The following NCOA3 variants were observed in gnomAD, a reference collection of about 807,000 sequenced individuals.
The protein encoded by NCOA3 is CBP-interacting protein.
In NCOA3, 51 loss-of-function variants were observed where a neutral mutation model predicts 158.8. The observed-to-expected ratio is 0.32, with a 90% CI of 0.26 to 0.41. The LOEUF (loss-of-function observed/expected upper bound fraction) is 0.41, where lower values mean the gene tolerates loss of function less well. Ranked by LOEUF, NCOA3 falls within the 10% of genes least tolerant of loss-of-function variation. The probability of loss-of-function intolerance (pLI) is 1.00; values close to 1 mark genes in which losing one functional copy is unlikely to be tolerated. For missense variants in NCOA3, 1,510 were observed against 1,746.6 expected (o/e 0.86, Z 2.41); for synonymous variants, 537 against 592.4 (o/e 0.91, Z 1.36).
chr20:47,565,523 C>T (rs1277494320), intron 1 of NCOA3, among the ~76,000 whole-genome samples: 1 of 152,126 alleles, frequency 6.6e-6, no homozygotes, highest in African/African-American at 2.4e-5. Context: ...GGAGATCAGC[C>T]TGGGTGACAT....
intron 1 of NCOA3, among the ~76,000 whole-genome samples, chr20:47,502,490 G>C (rs1007269776): frequency 3.3e-5 from 5 of 152,142 alleles, no homozygotes; most frequent in South Asian, 2.1e-4. Flanking sequence ...CAGCCTCCCA[G>C]CCGGGTGAGA....
At chr20:47,606,636 A>G (rs1806154366) in intron 2 of NCOA3, among the ~76,000 whole-genome samples, 1 of 152,212 alleles carries the variant, frequency 6.6e-6, no homozygotes, top group Non-Finnish European at 1.5e-5. Flanking sequence ...AATGTGCACA[A>G]AGACTTCTGC....
chr20:47,535,928 T>C (rs2084625552), intron 1 of NCOA3, among the ~76,000 whole-genome samples: 1 of 152,108 alleles, frequency 6.6e-6, no homozygotes. Flanking sequence ...TGGACTCTAC[T>C]CCGACCACCC....
chr20:47,546,127 C>T (rs1213964478), intron 1 of NCOA3, among the ~76,000 whole-genome samples: 2 of 152,172 alleles, frequency 1.3e-5, no homozygotes, highest in Admixed American at 6.5e-5. Context: ...CTCAACATGT[C>T]CCAAACCAAT....
chr20:47,644,767 G>A (rs766209326), intron 17 of NCOA3, among the ~76,000 whole-genome samples: 2 of 151,688 alleles, frequency 1.3e-5, no homozygotes, highest in African/African-American at 4.8e-5. Context: ...GCGTGATCTC[G>A]GCTCACTGCA....
In NCOA3 at chr20:47,637,729, A is replaced by G. The variant is rs763971259; in HGVS notation, c.2458A>G (p.Asn820Asp). 1 of 1,612,086 alleles carries G rather than the reference A, an allele frequency of 6.2e-7. No individual in the cohort carries two copies. Among genetic ancestry groups the G allele is most frequent in the African/African-American group, 1.3e-5 (1 of 74,774 alleles). Residue 820 changes from asparagine (N) to aspartate (D), a missense_variant, in exon 13 of 23, where the codon AAT becomes GAT. Physicochemically the swap from Asn to Asp is conservative, Grantham distance 23 (BLOSUM62 1). Around this residue, in one of 4 missense-constraint regions of NCOA3, gnomAD observed 1,017 missense variants for 1,098.3 expected, o/e 0.93. Coordinates refer to ENST00000371998, the MANE Select transcript of NCOA3 (RefSeq NM_181659.3). ...CTTTTACAATAATTCCATATCCTCA[A>G]ATGGTAGTCATCTGGGGACTAAGCA... ...SDFYNNSISS[N>D]GSHLGTKQQV...
chr20:47,530,948 G>T (rs899272750), intron 1 of NCOA3, among the ~76,000 whole-genome samples: 15 of 152,162 alleles, frequency 9.9e-5, no homozygotes, highest in Admixed American at 7.9e-4. Context: ...TAGCAGTAGG[G>T]TGAAGAGTAG....
At chr20:47,640,467 C>T (rs925386802) in intron 16 of NCOA3, among the ~76,000 whole-genome samples, 8 of 152,156 alleles carry the variant, frequency 5.3e-5, no homozygotes, top group African/African-American at 1.7e-4. Flanking sequence ...TTCCCCCAAC[C>T]ACCTGCTGCC....
chr20:47,533,868 G>A (rs2084590483), intron 1 of NCOA3, among the ~76,000 whole-genome samples: 5 of 152,140 alleles, frequency 3.3e-5, no homozygotes, highest in Admixed American at 2.0e-4. Context: ...TGAGGCTGCC[G>A]TGAGCTGTGG....
At chr20:47,615,694 C>T (rs1195618901) in intron 2 of NCOA3, among the ~76,000 whole-genome samples, 2 of 152,042 alleles carry the variant, frequency 1.3e-5, no homozygotes, top group African/African-American at 2.4e-5. Flanking sequence ...TTGAATGTTA[C>T]GTATAGAAAG....
chr20:47,572,377 C>G (rs2085307336), intron 1 of NCOA3, among the ~76,000 whole-genome samples: 1 of 151,954 alleles, frequency 6.6e-6, no homozygotes, highest in Non-Finnish European at 1.5e-5. Flanking sequence ...GCACCCCAGT[C>G]TGGGCCATAT....
At chr20:47,621,567 A>T (rs764489180) in intron 2 of NCOA3, among the ~76,000 whole-genome samples, 1 of 152,100 alleles carries the variant, frequency 6.6e-6, no homozygotes, top group East Asian at 1.9e-4. Context: ...GATGTCTTAA[A>T]TCATCTTTCT....
intron 1 of NCOA3, among the ~76,000 whole-genome samples, chr20:47,564,883 A>G (rs933599754): frequency 1.1e-4 from 16 of 151,446 alleles, no homozygotes; most frequent in Admixed American, 1.3e-4. Flanking sequence ...TTCTTAGTAG[A>G]TTGTCTTTTC....
intron 17 of NCOA3, 119 bp from the exon 18 acceptor site, chr20:47,646,954 C>T: frequency 6.0e-6 from 5 of 834,638 alleles, no homozygotes; most frequent in Non-Finnish European, 9.5e-6. Flanking sequence ...TGGCACATAA[C>T]AAGCATTTAC....
At chr20:47,633,848 G>A (rs6094754) in intron 9 of NCOA3, among the ~76,000 whole-genome samples, 200 bp from the exon 10 acceptor site, 2 of 152,190 alleles carry the variant, frequency 1.3e-5, no homozygotes, top group Admixed American at 1.3e-4. Context: ...ACACATGACT[G>A]TAGTTGCTCT....
At chr20:47,523,387 T>G (rs2084377126) in intron 1 of NCOA3, among the ~76,000 whole-genome samples, 1 of 152,182 alleles carries the variant, frequency 6.6e-6, no homozygotes, top group South Asian at 2.1e-4. Context: ...GAGGAATGGC[T>G]GGCCTGTCCA....
Position 47,522,099 on chromosome 20 carries a change from C to CTTTTTTTTTTTTT in NCOA3, c.-99+20091_-99+20103dup, listed in dbSNP as rs772811888. On this transcript the variant is annotated intron_variant, in intron 1 of 22. Transcript: ENST00000371998. Reference sequence around the variant, plus strand: ...GTTTTGTAGTTACCATTGTACAGATCTTTTTTTTTTTTTTTTTTTTTTTGA... The same window carrying CTTTTTTTTTTTTT: ...GTTTTGTAGTTACCATTGTACAGATCTTTTTTTTTTTTTTTTTTTTTTTTTTTTTTTTTTTTGA... Among the ~76,000 whole-genome samples the CTTTTTTTTTTTTT allele has an allele frequency of 2.0e-4, 15 of 76,836 alleles. 2 individuals are homozygous for CTTTTTTTTTTTTT. Among genetic ancestry groups the CTTTTTTTTTTTTT allele is most frequent in the African/African-American group, 5.8e-4 (11 of 19,076 alleles). The allele number at this position is 76,836 out of a possible 152,430, so 50.4% of individuals were successfully genotyped here.
At chr20:47,511,410 ATTTTTTTTTTTT>A (rs35591258) in intron 1 of NCOA3, among the ~76,000 whole-genome samples, 8,257 of 86,380 alleles carry the variant, frequency 0.096, 374 homozygotes, top group Middle Eastern at 0.17. Flanking sequence ...ACCATGCCTA[ATTTTTTTTTTTT>A]TTTTTTTTTT....
intron 2 of NCOA3, among the ~76,000 whole-genome samples, chr20:47,594,690 AAAAAAG>A (rs1251935004): frequency 2.9e-5 from 4 of 138,960 alleles, no homozygotes; most frequent in Non-Finnish European, 6.4e-5. Context: ...AAAAAAAAAA[AAAAAAG>A]AGAAGATGAA....
Sources: allele counts gnomAD v4.1 joint callset (sites outside exome capture counted in the v4.1 genomes callset), GRCh38; gene constraint gnomAD v4.1.1; regional missense constraint gnomAD v4.1.1; transcripts MANE v1.5; gene names NCBI Gene and HGNC (gene_info 2026-07-23, HGNC 2026-07-21).